The following LPXN variants were observed in gnomAD, a reference collection of about 807,000 sequenced individuals.
LPXN encodes the protein leupaxin.
LPXN carries 28 observed loss-of-function variants against 45.6 expected under a neutral mutation model. The ratio of observed to expected loss-of-function variants is 0.61; its 90% CI spans 0.45 to 0.84. LPXN has a LOEUF of 0.84. Among genes scored for constraint, LPXN ranks in the 40% least tolerant of loss-of-function variants. The pLI is 0.00. For missense variants in LPXN, 459 were observed against 475.0 expected, an observed-to-expected ratio of 0.97 and a Z score of 0.31; for synonymous variants, 166 against 169.9, an observed-to-expected ratio of 0.98 and a Z score of 0.18.
Position 58,527,412 on chromosome 11 carries a change from A to G in LPXN, c.*42T>C. 6.2e-7 allele frequency: 1 copy of G among 1,601,438 alleles called. No individual in the cohort carries two copies. ...ACCCTTTCCTCTCCTCTCTTGGTTT[A>G]AATTTTATAAGGAATCTGAAGAGGC... On this transcript the variant is annotated 3_prime_UTR_variant, in exon 9 of 9. Coordinates refer to ENST00000395074, the MANE Select transcript of LPXN (RefSeq NM_004811.3).
At position 58,540,847 on chromosome 11, in the gene LPXN, C is replaced by A. The variant is rs373620756; in HGVS notation, c.742+8939G>T. Among the ~76,000 whole-genome samples, 5 of 151,994 alleles carry A rather than the reference C, an allele frequency of 3.3e-5. No individual in the cohort carries two copies. The East Asian group carries it at 7.7e-4, about 23-fold the overall frequency. ...GATTGCTTTTTAAAACCTTTTAAAA[C>A]AAGTGCACCTCACAAATCAATGAAT... On this transcript the variant is annotated intron_variant, in intron 7 of 8. Coordinates refer to ENST00000395074, the MANE Select transcript of LPXN (RefSeq NM_004811.3).
At chr11:58,561,729 A>T (rs560191775) in intron 3 of LPXN, among the ~76,000 whole-genome samples, 2 of 152,338 alleles carry the variant, frequency 1.3e-5, no homozygotes, top group East Asian at 3.9e-4. Flanking sequence ...AGTTGGGGCA[A>T]ATTTGTGCTT....
At chr11:58,529,862 A>G (rs2120175415) in intron 7 of LPXN, among the ~76,000 whole-genome samples, 1 of 152,268 alleles carries the variant, frequency 6.6e-6, no homozygotes, top group Non-Finnish European at 1.5e-5. Flanking sequence ...GACTGATCGG[A>G]CAGTGGGTGC....
rs1802347 is a variant in LPXN, at chr11:58,550,126, T to C, written c.507A>G (p.Gln169=). The change falls in exon 6 of 9, where the codon CAA becomes CAG. Residue 169 remains glutamine, a synonymous_variant. Transcript: ENST00000395074. ...AGACAAAATGCTCAGGATGCCATGA[T>C]TGCCCTAGAGCATGGATCACCTGTG... is the stretch of plus-strand genomic sequence containing the variant. ...IAGKVIHALG[Q]SWHPEHFVCT... is the part of the protein sequence containing the mutation. 19,453 of 1,614,028 alleles carry C rather than the reference T, an allele frequency of 0.012. 180 individuals carry two copies. Among genetic ancestry groups the C allele is most frequent in the Non-Finnish European group, 0.013 (15,508 of 1,179,890 alleles).
chr11:58,577,983 G>C, upstream of LPXN: 1 of 1,549,132 alleles, frequency 6.5e-7, no homozygotes, highest in Non-Finnish European at 8.7e-7. Context: ...TTTAGTCGCT[G>C]ACCTCTAGGA....
chr11:58,577,910 A>G (rs763082643), upstream of LPXN: 15 of 1,228,494 alleles, frequency 1.2e-5, no homozygotes, highest in Non-Finnish European at 1.7e-5. Flanking sequence ...TTTGATTAAG[A>G]GCCAACTGAG....
At chr11:58,561,203 A>G (rs1854365245) in intron 3 of LPXN, among the ~76,000 whole-genome samples, 1 of 152,202 alleles carries the variant, frequency 6.6e-6, no homozygotes, top group Non-Finnish European at 1.5e-5. Flanking sequence ...TTCACTTAAT[A>G]TATTTTCAAA....
intron 7 of LPXN, among the ~76,000 whole-genome samples, chr11:58,531,874 G>A (rs984391534): frequency 3.9e-5 from 6 of 152,242 alleles, no homozygotes; most frequent in African/African-American, 1.4e-4. Context: ...TCAGCCTGCC[G>A]CTGCACTGTG....
intron 7 of LPXN, among the ~76,000 whole-genome samples, chr11:58,547,472 T>C (rs543791339): frequency 1.3e-5 from 2 of 152,308 alleles, no homozygotes; most frequent in African/African-American, 4.8e-5. Context: ...CTGGAGAGCA[T>C]AAAGCCAATT....
chr11:58,533,928 G>T (rs1260523220), intron 7 of LPXN, among the ~76,000 whole-genome samples: 1 of 152,050 alleles, frequency 6.6e-6, no homozygotes, highest in East Asian at 1.9e-4. Context: ...AGACAAAGAT[G>T]GGCATTACAT....
chr11:58,561,893 T>G (rs1209975508), intron 3 of LPXN, among the ~76,000 whole-genome samples: 1 of 152,222 alleles, frequency 6.6e-6, no homozygotes, highest in Non-Finnish European at 1.5e-5. Context: ...GATTACAAAT[T>G]AAAGTGCCCA....
At chr11:58,562,115 G>T (rs1168327072) in intron 3 of LPXN, among the ~76,000 whole-genome samples, 1 of 152,042 alleles carries the variant, frequency 6.6e-6, no homozygotes, top group African/African-American at 2.4e-5. Flanking sequence ...TTATTTCTCT[G>T]TTATATTTTT....
At chr11:58,560,514 T>C (rs1854341899) in intron 3 of LPXN, among the ~76,000 whole-genome samples, 1 of 152,218 alleles carries the variant, frequency 6.6e-6, no homozygotes, top group Non-Finnish European at 1.5e-5. Flanking sequence ...TGTGTAATTT[T>C]AGAAAACTAA....
chr11:58,546,010 T>C (rs1395977747), intron 7 of LPXN, among the ~76,000 whole-genome samples: 1 of 152,174 alleles, frequency 6.6e-6, no homozygotes, highest in African/African-American at 2.4e-5. Flanking sequence ...GGATTTTCTT[T>C]ACTCCCTCCT....
At chr11:58,533,362 G>T (rs1365299653) in intron 7 of LPXN, among the ~76,000 whole-genome samples, 4 of 152,154 alleles carry the variant, frequency 2.6e-5, no homozygotes, top group African/African-American at 9.7e-5. Context: ...GAGAGTGGGG[G>T]CCAATATTCA....
chr11:58,555,259 C>G lies in LPXN; in HGVS notation c.219-319G>C, dbSNP rs567306199. Among the ~76,000 whole-genome samples the G allele has an allele frequency of 1.7e-4, 26 of 152,282 alleles. No homozygotes were observed. In the East Asian group the frequency reaches 4.4e-3, roughly 26 times the overall value. ...ACAAACTAAGGTCCTTGGATCAAAT[C>G]TGGCCATGTCCATTCATTTATCTAC... is the stretch of plus-strand genomic sequence containing the variant. On this transcript the variant is annotated intron_variant, in intron 3 of 8. Transcript: ENST00000395074.
intron 2 of LPXN, among the ~76,000 whole-genome samples, chr11:58,569,428 G>A (rs904859768): frequency 1.2e-4 from 18 of 151,286 alleles, no homozygotes; most frequent in Admixed American, 4.0e-4. Flanking sequence ...TCATTCTGTC[G>A]CCCAGGCTGG....
chr11:58,577,172 CTCTG>C (rs752573120), upstream of LPXN, among the ~76,000 whole-genome samples: 3 of 152,002 alleles, frequency 2.0e-5, no homozygotes, highest in Non-Finnish European at 2.9e-5. Flanking sequence ...GAGATTCCTC[CTCTG>C]TATTACTTTG....
intron 1 of LPXN, among the ~76,000 whole-genome samples, chr11:58,573,257 A>AAAAAG (rs1307603072): frequency 6.6e-6 from 1 of 151,634 alleles, no homozygotes; most frequent in Non-Finnish European, 1.5e-5. Context: ...AAAAAAAAAA[A>AAAAAG]AAAAGAAAAG....
Sources: allele counts gnomAD v4.1 joint callset (sites outside exome capture counted in the v4.1 genomes callset), GRCh38; gene constraint gnomAD v4.1.1; transcripts MANE v1.5; gene names NCBI Gene and HGNC (gene_info 2026-07-23, HGNC 2026-07-21).